The following CCDC187 variants were observed in gnomAD, a reference collection of about 807,000 sequenced individuals.
CCDC187 encodes the protein coiled-coil domain-containing protein 187.
CCDC187 carries 32 observed loss-of-function variants against 38.0 expected under a neutral mutation model. The ratio of observed to expected loss-of-function variants is 0.84; its 90% CI spans 0.64 to 1.13. The LOEUF is 1.13. CCDC187 is among the 50% of genes most tolerant of loss of function. The pLI, the probability that CCDC187 is intolerant of heterozygous loss-of-function variation, is 0.00. For missense variants in CCDC187, 707 were observed against 786.8 expected (o/e 0.90, Z 1.21); for synonymous variants, 333 against 347.9 (o/e 0.96, Z 0.48).
intron 4 of CCDC187, among the ~76,000 whole-genome samples, chr9:136,293,437 ACACACTCACACATGCT>A (rs1310380857): frequency 0.12 from 5,000 of 40,456 alleles, 519 homozygotes; most frequent in East Asian, 0.2. Flanking sequence ...TCACATGCTC[ACACACTCACACATGCT>A]CACACTCACA....
At chr9:136,300,922 A>G (rs940987803) in intron 2 of CCDC187, among the ~76,000 whole-genome samples, 139,296 of 152,326 alleles carry the variant, frequency 0.91, 63,729 homozygotes, top group East Asian at 0.95. Context: ...TGAATAGCAC[A>G]TCTGACCAAT....
Position 136,259,444 on chromosome 9 carries a change from A to T in CCDC187, c.4215T>A (p.Pro1405=). The T allele has an allele frequency of 1.0e-6, 1 of 985,420 alleles. No homozygotes were observed. Among genetic ancestry groups the T allele is most frequent in the African/African-American group, 1.7e-5 (1 of 57,212 alleles). The allele number at this position is 985,420 out of a possible 1,614,324, so 61.0% of individuals were successfully genotyped here. A position where few individuals can be genotyped will look rare whatever the true frequency, so the allele number is the denominator to read the frequency against. ...GCAGAGGGGCCCGAGGCTGCTCCCC[A>T]GGCTCTGAAAGACACAATCCCAGGA... ...VESGSHVSQE[P]GEQPRAPLLG... The change falls in exon 21 of 26, where the codon CCT becomes CCA. Residue 1405 remains proline (P), a synonymous_variant. Coordinates refer to ENST00000638797, the MANE Select transcript of CCDC187 (RefSeq NM_001378188.1).
chr9:136,265,590 C>T (rs1481484358), intron 17 of CCDC187: 1 of 152,280 alleles, frequency 6.6e-6, no homozygotes, highest in African/African-American at 2.4e-5. Flanking sequence ...CAATTATTCT[C>T]TGGTTCCAAG....
In CCDC187 at chr9:136,258,121, G is replaced by A. The variant is rs980779545; in HGVS notation, c.4366+811C>T. Reference sequence around the variant, plus strand: ...GCAGAAGCCTGAACAGCGCAGGCCCGGAGGTGACGCGGGACACAGAGGGAA... The same window carrying A: ...GCAGAAGCCTGAACAGCGCAGGCCCAGAGGTGACGCGGGACACAGAGGGAA... On this transcript the variant is annotated intron_variant, in intron 22 of 25. Transcript: ENST00000638797. This position sits in a 1 kb window ranked among gnomAD's most constrained non-coding sequence, Gnocchi z 4.3. Among the ~76,000 whole-genome samples, 5 of 152,278 alleles carry A rather than the reference G, an allele frequency of 3.3e-5. No individual in the cohort carries two copies. Among genetic ancestry groups the A allele is most frequent in the East Asian group, 1.9e-4 (1 of 5,176 alleles).
At chr9:136,259,550 G>T in intron 20 of CCDC187, 102 bp from the exon 21 acceptor site, 1 of 409,164 alleles carries the variant, frequency 2.4e-6, no homozygotes, top group Non-Finnish European at 3.3e-6. Context: ...GGGGGTGGGG[G>T]ATGGGGAGAG....
In CCDC187 at chr9:136,259,430, C is replaced by T. The variant is rs1243495205; in HGVS notation, c.4229G>A (p.Arg1410Gln). 10 of 985,348 alleles carry T rather than the reference C, an allele frequency of 1.0e-5. 1 individual carries two copies. In the South Asian group the frequency reaches 2.8e-4, roughly 28 times the overall value. The allele number at this position is 985,348 out of a possible 1,614,324, so 61.0% of individuals were successfully genotyped here. A position where few individuals can be genotyped will look rare whatever the true frequency, so the allele number is the denominator to read the frequency against. The change falls in exon 21 of 26, where the codon CGG (arginine) becomes CAG (glutamine). Residue 1410 changes from arginine (R) to glutamine (Q), a missense_variant. Physicochemically the swap from Arg to Gln is conservative, Grantham distance 43 (BLOSUM62 1). Coordinates refer to ENST00000638797, the MANE Select transcript of CCDC187 (RefSeq NM_001378188.1). ...GTGCTGCAGGCCCAGCAGAGGGGCC[C>T]GAGGCTGCTCCCCAGGCTCTGAAAG... The part of the protein sequence containing the change: ...HVSQEPGEQP[R>Q]APLLGLQHVS...
At chr9:136,255,308 C>T (rs946305379) in intron 25 of CCDC187, among the ~76,000 whole-genome samples, 174 bp from the exon 26 acceptor site, 3 of 152,208 alleles carry the variant, frequency 2.0e-5, no homozygotes, top group Admixed American at 6.5e-5. Context: ...GGGTTCACCA[C>T]GCCCACCCCC....
At chr9:136,256,463 C>G (rs1013056621) in intron 23 of CCDC187, 140 bp from the exon 24 acceptor site, 1 of 230,278 alleles carries the variant, frequency 4.3e-6, no homozygotes, top group Non-Finnish European at 7.2e-6. Context: ...TGTGGAGACC[C>G]CCACTTGCCA....
rs114771242 is a variant in CCDC187, at chr9:136,258,585, T to C, written c.4366+347A>G. The C allele has an allele frequency of 3.2e-6, 2 of 630,070 alleles. No homozygotes were observed. Among genetic ancestry groups the C allele is most frequent in the African/African-American group, 4.0e-5 (2 of 50,488 alleles). 39.0% of individuals were successfully genotyped at this position (630,070 alleles called of 1,614,324 possible). A position where few individuals can be genotyped will look rare whatever the true frequency, so the allele number is the denominator to read the frequency against. ...TGTAAGGTTCAGAAAGAGAAAAATG[T>C]AATCGGTGCAGAAACCTCCGTCAGC... On this transcript the variant is annotated intron_variant, in intron 22 of 25. Transcript: ENST00000638797. This position sits in a 1 kb window ranked among gnomAD's most constrained non-coding sequence, Gnocchi z 4.3.
chr9:136,287,477 G>A (rs1287461571), intron 7 of CCDC187, among the ~76,000 whole-genome samples: 2 of 152,142 alleles, frequency 1.3e-5, no homozygotes, highest in African/African-American at 4.8e-5. Flanking sequence ...CATCACGCTT[G>A]CTTCCTTACC....
At chr9:136,281,350 G>A (rs1831036218) in intron 10 of CCDC187, 3 of 398,382 alleles carry the variant, frequency 7.5e-6, no homozygotes, top group African/African-American at 6.2e-5. Context: ...ATCACTGCAG[G>A]TGTGGTGAGC....
chr9:136,271,358 CAAAA>C (rs1419193978), intron 14 of CCDC187, among the ~76,000 whole-genome samples: 1 of 151,510 alleles, frequency 6.6e-6, no homozygotes, highest in East Asian at 2.0e-4. Context: ...CCTGTCTCTA[CAAAA>C]ATACAAAAAT....
In CCDC187 at chr9:136,253,449, AC is replaced by A. The variant is rs1202863494; in HGVS notation, c.*144del. The stretch of plus-strand genomic sequence containing the variant: ...GGGAGCCCTCCAGGGGCACTGCCTG[AC>A]CCCTCACACGACGAGTGCCCTGGCC... On this transcript the variant is annotated 3_prime_UTR_variant, in exon 26 of 26. Transcript: ENST00000638797. 1.2e-5 allele frequency: 3 copies of A among 254,014 alleles called. No homozygotes were observed. The highest frequency in any genetic ancestry group is 1.9e-5 in the Non-Finnish European group (3 of 161,684). 15.7% of individuals were successfully genotyped at this position (254,014 alleles called of 1,614,324 possible).
At chr9:136,298,141 G>A (rs1588675195) in intron 3 of CCDC187, among the ~76,000 whole-genome samples, 1 of 152,216 alleles carries the variant, frequency 6.6e-6, no homozygotes, top group East Asian at 1.9e-4. Flanking sequence ...AGGTCCTGAG[G>A]ACAGGAACCA....
chr9:136,258,600 C>T lies in CCDC187; in HGVS notation c.4366+332G>A. ...GAGAAAAATGTAATCGGTGCAGAAA[C>T]CTCCGTCAGCTGAAGACGCTCAGGC... On this transcript the variant is annotated intron_variant, in intron 22 of 25. Coordinates refer to ENST00000638797, the MANE Select transcript of CCDC187 (RefSeq NM_001378188.1). This position sits in a 1 kb window ranked among gnomAD's most constrained non-coding sequence, Gnocchi z 4.3. 2 of 741,224 alleles carry T rather than the reference C, an allele frequency of 2.7e-6. No homozygotes were observed. The highest frequency in any genetic ancestry group is 1.6e-6 in the Non-Finnish European group (1 of 607,194). The allele number at this position is 741,224 out of a possible 1,614,324, so 45.9% of individuals were successfully genotyped here. A position where few individuals can be genotyped will look rare whatever the true frequency, so the allele number is the denominator to read the frequency against.
At chr9:136,273,272 G>A (rs538348017) in intron 14 of CCDC187, among the ~76,000 whole-genome samples, 2 of 152,300 alleles carry the variant, frequency 1.3e-5, no homozygotes, top group South Asian at 4.1e-4. Flanking sequence ...CTGCCTGTAA[G>A]AAACACACTT....
chr9:136,291,309 T>C lies in CCDC187; in HGVS notation c.1304A>G (p.His435Arg), dbSNP rs1831322782. 5.0e-6 allele frequency: 2 copies of C among 398,560 alleles called. No individual in the cohort carries two copies. Among genetic ancestry groups the C allele is most frequent in the African/African-American group, 4.1e-5 (2 of 48,642 alleles). 24.7% of individuals were successfully genotyped at this position (398,560 alleles called of 1,614,324 possible). Residue 435 changes from histidine to arginine, a missense_variant, in exon 6 of 26, where the codon CAT becomes CGT. Physicochemically the swap from His to Arg is conservative, Grantham distance 29. Coordinates refer to ENST00000638797, the MANE Select transcript of CCDC187 (RefSeq NM_001378188.1). ...KSPWAMTERK[H>R]SSLERARSVH... ...ACTCCTAGCCCTCTCTAAAGAGGAA[T>C]GCTTCCTCTCTGTCATGGCCCAGGG...
At chr9:136,295,349 G>T (rs954613537) in intron 4 of CCDC187, among the ~76,000 whole-genome samples, 12 of 152,220 alleles carry the variant, frequency 7.9e-5, no homozygotes, top group Non-Finnish European at 1.3e-4. Flanking sequence ...GGTCCCGCTC[G>T]ATAAATGGGT....
intron 4 of CCDC187, among the ~76,000 whole-genome samples, chr9:136,293,351 TCACA>T (rs1166082736): frequency 7.9e-6 from 1 of 126,768 alleles, no homozygotes; most frequent in Admixed American, 7.8e-5. Flanking sequence ...ACTCACATGC[TCACA>T]CACATTCACA....
Sources: gnomAD v4.1 joint callset for allele counts (sites outside exome capture counted in the v4.1 genomes callset) on GRCh38, gnomAD v4.1.1 for gene constraint, Gnocchi (gnomAD v3.1) non-coding constraint, MANE v1.5 for transcripts, NCBI Gene and HGNC (gene_info 2026-07-23, HGNC 2026-07-21) for gene names.